Variants in CTNND2 observed in about 807,000 individuals in gnomAD.
The protein encoded by CTNND2 is catenin delta-2.
Under a neutral mutation model 144.4 loss-of-function variants are expected in CTNND2, and 22 were observed. The observed-to-expected ratio is 0.15, with a 90% confidence interval of 0.11 to 0.22. The LOEUF is 0.22. Among genes scored for constraint, CTNND2 ranks in the 10% least tolerant of loss-of-function variants. The pLI, the probability that CTNND2 is intolerant of heterozygous loss-of-function variation, is 1.00. For synonymous variants in CTNND2, 751 were observed against 695.6 expected (o/e 1.08, Z -1.25); for missense variants, 1,353 against 1,618.8 (o/e 0.84, Z 2.82).
At chr5:11,789,221 A>C (rs901552453) in intron 1 of CTNND2, among the ~76,000 whole-genome samples, 4 of 152,130 alleles carry the variant, frequency 2.6e-5, no homozygotes, top group Non-Finnish European at 2.9e-5. Flanking sequence ...CTACTTTCTA[A>C]ATTATCCTGG....
chr5:11,031,791 T>TCCAA (rs1257054036), intron 16 of CTNND2, among the ~76,000 whole-genome samples: 1 of 152,216 alleles, frequency 6.6e-6, no homozygotes, highest in Non-Finnish European at 1.5e-5. Context: ...CCATGCTGGA[T>TCCAA]GCTTCTTGCC....
chr5:11,846,847 C>G (rs1315121462), intron 1 of CTNND2, among the ~76,000 whole-genome samples: 1 of 151,750 alleles, frequency 6.6e-6, no homozygotes, highest in Non-Finnish European at 1.5e-5. Context: ...CAAAAAAAAT[C>G]AACATCACTA....
intron 11 of CTNND2, among the ~76,000 whole-genome samples, chr5:11,170,571 C>T (rs1485004422): frequency 4.0e-5 from 6 of 151,766 alleles, no homozygotes; most frequent in Non-Finnish European, 5.9e-5. Flanking sequence ...AACACACATA[C>T]ACACACATAC....
chr5:11,302,197 C>A (rs2150034645), intron 9 of CTNND2, among the ~76,000 whole-genome samples: 1 of 152,220 alleles, frequency 6.6e-6, no homozygotes, highest in South Asian at 2.1e-4. Context: ...CCCATCAGTA[C>A]TGAGAGGAAG....
At chr5:11,598,718 G>A (rs1188446708) in intron 2 of CTNND2, among the ~76,000 whole-genome samples, 1 of 152,084 alleles carries the variant, frequency 6.6e-6, no homozygotes, top group African/African-American at 2.4e-5. Flanking sequence ...TGAAAAATAT[G>A]AGACTTAACC....
chr5:11,628,504 G>C (rs747916934), intron 2 of CTNND2, among the ~76,000 whole-genome samples: 1 of 152,176 alleles, frequency 6.6e-6, no homozygotes, highest in Non-Finnish European at 1.5e-5. Flanking sequence ...GACACAACAT[G>C]AGTGTGATCC....
intron 1 of CTNND2, among the ~76,000 whole-genome samples, chr5:11,855,272 G>A (rs767956828): frequency 9.2e-5 from 14 of 152,200 alleles, no homozygotes; most frequent in Non-Finnish European, 1.5e-4. Context: ...GGGCTCCTGA[G>A]CCAGACTCCC....
intron 2 of CTNND2, among the ~76,000 whole-genome samples, chr5:11,594,040 CTG>C (rs1189191350): frequency 4.6e-5 from 7 of 152,192 alleles, no homozygotes; most frequent in Non-Finnish European, 7.3e-5. Flanking sequence ...TAAACATACT[CTG>C]TTTCTCAGCA....
chr5:11,371,999 C>T (rs945728480), intron 7 of CTNND2, among the ~76,000 whole-genome samples: 4 of 152,126 alleles, frequency 2.6e-5, no homozygotes, highest in Non-Finnish European at 4.4e-5. Flanking sequence ...TTTTCTTATA[C>T]TAACTTAGTA....
intron 16 of CTNND2, among the ~76,000 whole-genome samples, chr5:11,037,219 A>C (rs1744175813): frequency 6.6e-6 from 1 of 152,220 alleles, no homozygotes; most frequent in South Asian, 2.1e-4. Context: ...TATGAAACTA[A>C]ACTGGCCTCA....
chr5:11,760,497 T>G (rs541688160), intron 1 of CTNND2, among the ~76,000 whole-genome samples: 1 of 152,208 alleles, frequency 6.6e-6, no homozygotes, highest in East Asian at 1.9e-4. Context: ...ATTTTATGAA[T>G]ACTTGTTGAA....
chr5:11,381,982 CAAA>C (rs1758535089), intron 7 of CTNND2, among the ~76,000 whole-genome samples: 1 of 91,422 alleles, frequency 1.1e-5, no homozygotes, highest in Non-Finnish European at 2.4e-5. Flanking sequence ...AACAAAAAAA[CAAA>C]ACAAAACAAA....
chr5:11,806,019 T>A (rs1216189837), intron 1 of CTNND2, among the ~76,000 whole-genome samples: 1 of 152,142 alleles, frequency 6.6e-6, no homozygotes, highest in East Asian at 1.9e-4. Context: ...GACTGACCAA[T>A]ACTCCTCAAA....
intron 9 of CTNND2, among the ~76,000 whole-genome samples, chr5:11,296,011 C>T (rs1424662964): frequency 6.6e-6 from 1 of 150,430 alleles, no homozygotes; most frequent in Non-Finnish European, 1.5e-5. Context: ...AGAGCTTCTG[C>T]ACAGCAAAAG....
At chr5:11,640,589 T>C (rs1045238324) in intron 2 of CTNND2, among the ~76,000 whole-genome samples, 1 of 152,216 alleles carries the variant, frequency 6.6e-6, no homozygotes, top group Non-Finnish European at 1.5e-5. Flanking sequence ...CACACATACC[T>C]AGGTTCAAAC....
chr5:11,871,318 TAG>T (rs1735104123), intron 1 of CTNND2, among the ~76,000 whole-genome samples: 1 of 152,272 alleles, frequency 6.6e-6, no homozygotes, highest in East Asian at 1.9e-4. Flanking sequence ...TGATACCACA[TAG>T]AGACAGAGAA....
chr5:11,862,970 A>G (rs1173396286), intron 1 of CTNND2, among the ~76,000 whole-genome samples: 3 of 152,206 alleles, frequency 2.0e-5, no homozygotes, highest in Non-Finnish European at 4.4e-5. Context: ...AAGACTAGTT[A>G]GACTTCAAAA....
intron 14 of CTNND2, among the ~76,000 whole-genome samples, chr5:11,101,990 C>T (rs1033198518): frequency 6.6e-6 from 1 of 151,208 alleles, no homozygotes; most frequent in Non-Finnish European, 1.5e-5. Flanking sequence ...AGAGAAATAG[C>T]ACGAAGACAG....
chr5:11,571,542 C>T (rs1186403584), intron 2 of CTNND2, among the ~76,000 whole-genome samples: 1 of 152,110 alleles, frequency 6.6e-6, no homozygotes, highest in African/African-American at 2.4e-5. Context: ...TAATTTCACC[C>T]CTTCCAGAGA....
Sources: allele counts gnomAD v4.1 joint callset (sites outside exome capture counted in the v4.1 genomes callset), GRCh38; gene constraint gnomAD v4.1.1; transcripts MANE v1.5; gene names NCBI Gene and HGNC (gene_info 2026-07-23, HGNC 2026-07-21).